APOO: variants seen among roughly 807,000 people sequenced by gnomAD.
APOO encodes MICOS complex subunit MIC26.
A neutral mutation model predicts 23.1 loss-of-function variants in APOO; 11 were observed. That is an observed-to-expected ratio of 0.48 (90% confidence interval 0.30 to 0.79). APOO has a LOEUF of 0.79. Ranked by LOEUF, APOO falls within the 30% of genes least tolerant of loss-of-function variation. APOO has a pLI of 0.07. For synonymous variants in APOO, 59 were observed against 54.8 expected, an observed-to-expected ratio of 1.08 and a Z score of -0.34; for missense variants, 160 against 142.7, an observed-to-expected ratio of 1.12 and a Z score of -0.62.
chrX:23,861,027 C>T (rs1294494998), intron 5 of APOO, among the ~76,000 whole-genome samples: 1 of 110,427 alleles, frequency 9.1e-6, no homozygotes, highest in Non-Finnish European at 1.9e-5. Flanking sequence ...GTGGTCCTAG[C>T]TACTCAGGAG....
At chrX:23,894,872 C>T (rs1926830213) in intron 1 of APOO, among the ~76,000 whole-genome samples, 1 of 110,589 alleles carries the variant, frequency 9.0e-6, no homozygotes, top group African/African-American at 3.3e-5. Flanking sequence ...GGGCCGGATT[C>T]GGTGGCTCGA....
At chrX:23,834,844 C>T (rs767216394) in intron 8 of APOO, among the ~76,000 whole-genome samples, 49 of 107,880 alleles carry the variant, frequency 4.5e-4, no homozygotes, top group African/African-American at 1.3e-3. Context: ...GCCTCAGCCT[C>T]CCAAGTAGCT....
chrX:23,889,714 G>C (rs758013287), intron 1 of APOO, among the ~76,000 whole-genome samples: 41 of 99,034 alleles, frequency 4.1e-4, no homozygotes, highest in African/African-American at 1.5e-3. Context: ...CCAGGCTGGA[G>C]TGCAGTGGTG....
At chrX:23,861,805 T>TC (rs1391873301) in intron 5 of APOO, among the ~76,000 whole-genome samples, 8 of 101,182 alleles carry the variant, frequency 7.9e-5, no homozygotes, top group African/African-American at 2.9e-4. Context: ...TCTTTTTTTT[T>TC]TTTTTTTTTT....
At chrX:23,834,492 C>A (rs1165557846) in intron 8 of APOO, among the ~76,000 whole-genome samples, 1 of 108,948 alleles carries the variant, frequency 9.2e-6, no homozygotes. Flanking sequence ...TGTAATTAAC[C>A]AACTAGATGG....
At chrX:23,888,917 A>G (rs1165247535) in intron 1 of APOO, among the ~76,000 whole-genome samples, 1 of 101,420 alleles carries the variant, frequency 9.9e-6, no homozygotes, top group African/African-American at 3.6e-5. Flanking sequence ...AAGTGGGAGG[A>G]TCACTTGAGG....
intron 5 of APOO, among the ~76,000 whole-genome samples, chrX:23,865,579 C>T (rs763318251): frequency 4.7e-4 from 47 of 100,657 alleles, no homozygotes; most frequent in African/African-American, 1.7e-3. Flanking sequence ...ACTCCAGTCT[C>T]GGCAACAGAG....
At chrX:23,866,159 T>G (rs1186797421) in intron 5 of APOO, among the ~76,000 whole-genome samples, 2 of 111,110 alleles carry the variant, frequency 1.8e-5, no homozygotes, top group Non-Finnish European at 3.8e-5. Flanking sequence ...AGGGGGAAGC[T>G]CCTCTCACTC....
chrX:23,859,694 C>T (rs957991095), intron 5 of APOO, among the ~76,000 whole-genome samples: 4 of 111,576 alleles, frequency 3.6e-5, no homozygotes, highest in Non-Finnish European at 7.5e-5. Flanking sequence ...CCACCCGCCA[C>T]GGCCTCCCAA....
At chrX:23,851,232 C>T (rs765428974) in intron 7 of APOO, among the ~76,000 whole-genome samples, 11 of 108,692 alleles carry the variant, frequency 1.0e-4, no homozygotes, top group African/African-American at 3.3e-4. Context: ...CTTGTTCTGT[C>T]GCGCAGGCTG....
intron 7 of APOO, among the ~76,000 whole-genome samples, chrX:23,846,448 C>T (rs1175326090): frequency 9.2e-6 from 1 of 108,871 alleles, no homozygotes; most frequent in Non-Finnish European, 1.9e-5. Flanking sequence ...ATGGTGAAAC[C>T]CTGTCTCTAC....
chrX:23,844,136 A>G (rs1864037435), intron 7 of APOO, among the ~76,000 whole-genome samples: 1 of 112,205 alleles, frequency 8.9e-6, no homozygotes, highest in African/African-American at 3.2e-5. Flanking sequence ...CTTCCTGAGC[A>G]AAGAGTTTAG....
At chrX:23,849,458 G>A (rs1398345862) in intron 7 of APOO, among the ~76,000 whole-genome samples, 1 of 107,697 alleles carries the variant, frequency 9.3e-6, no homozygotes, top group Non-Finnish European at 1.9e-5. Context: ...GCATAAATGT[G>A]TAATCAGCAA....
intron 8 of APOO, chrX:23,839,920 C>T (rs2146964132): frequency 8.9e-6 from 1 of 112,231 alleles, no homozygotes; most frequent in South Asian, 3.7e-4. Context: ...CATATATACA[C>T]AAACAATATA....
chrX:23,850,915 T>G (rs1924505519), intron 7 of APOO, among the ~76,000 whole-genome samples: 1 of 110,990 alleles, frequency 9.0e-6, no homozygotes, highest in Non-Finnish European at 1.9e-5. Flanking sequence ...AACAAAATGT[T>G]AAGGGAACAA....
At chrX:23,876,297 T>C (rs1224901376) in intron 3 of APOO, among the ~76,000 whole-genome samples, 4 of 106,504 alleles carry the variant, frequency 3.8e-5, no homozygotes, top group Non-Finnish European at 7.7e-5. Context: ...AAAATAAAAA[T>C]ATTAGTTGGG....
intron 1 of APOO, among the ~76,000 whole-genome samples, chrX:23,900,426 C>A (rs1210162149): frequency 9.0e-6 from 1 of 111,013 alleles, no homozygotes; most frequent in Non-Finnish European, 1.9e-5. Context: ...GTAATCCCAG[C>A]ACTTTGGGAG....
intron 1 of APOO, among the ~76,000 whole-genome samples, chrX:23,903,326 C>T (rs765100390): frequency 9.2e-6 from 1 of 108,256 alleles, no homozygotes; most frequent in Admixed American, 1.0e-4. Context: ...GCAGAAACTG[C>T]GCCACTGTAC....
At chrX:23,900,810 T>C (rs1264690331) in intron 1 of APOO, among the ~76,000 whole-genome samples, 1 of 111,476 alleles carries the variant, frequency 9.0e-6, no homozygotes, top group Non-Finnish European at 1.9e-5. Flanking sequence ...CTGTCTAACT[T>C]CTTCGAAAGG....
Sources: allele counts gnomAD v4.1 joint callset (sites outside exome capture counted in the v4.1 genomes callset), GRCh38; gene constraint gnomAD v4.1.1; transcripts MANE v1.5; gene names NCBI Gene and HGNC (gene_info 2026-07-23, HGNC 2026-07-21).